CCDC154: variants seen among roughly 807,000 people sequenced by gnomAD.
CCDC154 encodes coiled-coil domain containing 154, also known as coiled-coil domain-containing protein 154.
A neutral mutation model predicts 87.5 loss-of-function variants in CCDC154; 91 were observed. That is an observed-to-expected ratio of 1.04 (90% CI 0.88 to 1.24). The LOEUF (loss-of-function observed/expected upper bound fraction) is 1.24, where lower values mean the gene tolerates loss of function less well. Among genes scored for constraint, CCDC154 ranks in the 50% most tolerant of loss-of-function variants. The probability of loss-of-function intolerance (pLI) is 0.00; values close to 1 mark genes in which losing one functional copy is unlikely to be tolerated. For missense variants in CCDC154, 903 were observed against 879.2 expected, an observed-to-expected ratio of 1.03 and a Z score of -0.34; for synonymous variants, 418 against 400.4, an observed-to-expected ratio of 1.04 and a Z score of -0.52.
At position 1,434,410 on chromosome 16, in the gene CCDC154, A is replaced by AT. The variant is rs2038478831; in HGVS notation, c.2001dup (p.Ter668IlefsTer?). 2 of 1,550,160 alleles carry AT rather than the reference A, an allele frequency of 1.3e-6. No individual in the cohort carries two copies. The highest frequency in any genetic ancestry group is 2.7e-5 in the African/African-American group (2 of 73,040). ...TAATGAGTACAAAGCCAGCACGTTT[A>AT]TTTCTGGATAAACAGTGAGGGTGTG... is the stretch of plus-strand genomic sequence containing the variant. On this transcript the variant is annotated frameshift_variant, in exon 17 of 17. Transcript: ENST00000389176. LOFTEE classifies it high-confidence loss of function.
intron 6 of CCDC154, among the ~76,000 whole-genome samples, chr16:1,439,988 A>C (rs1567258445): frequency 6.6e-6 from 1 of 151,920 alleles, no homozygotes; most frequent in Non-Finnish European, 1.5e-5. Flanking sequence ...GTCTCTACTA[A>C]AACTACAGAA....
In CCDC154 at chr16:1,440,407, G is replaced by A. The variant is rs193042820; in HGVS notation, c.676-1281C>T. On this transcript the variant is annotated intron_variant, in intron 6 of 16. Coordinates refer to ENST00000389176, the MANE Select transcript of CCDC154 (RefSeq NM_001143980.3). Reference sequence around the variant, plus strand: ...GGGGCTTGTAGTAAGCTGAGATCACGCCACTGCACTCCAGCCTGGGCAACA... The same window carrying A: ...GGGGCTTGTAGTAAGCTGAGATCACACCACTGCACTCCAGCCTGGGCAACA... Among the ~76,000 whole-genome samples the A allele has an allele frequency of 3.9e-3, 586 of 149,978 alleles. 1 individual carries two copies. The highest frequency in any genetic ancestry group is 0.014 in the Middle Eastern group (4 of 282).
Position 1,436,203 on chromosome 16 carries a change from GCCCTGTCACC to G in CCDC154, c.1488-127_1488-118del, listed in dbSNP as rs2038500356. On this transcript the variant is annotated intron_variant, in intron 13 of 16. Transcript: ENST00000389176. ...GGTTAAGGAGGCTCGAGGGGGCTCA[GCCCTGTCACC>G]CCTCCAGTGGGGAAGGTGGGGGTCC... 9.0e-5 allele frequency: 84 copies of G among 933,418 alleles called. No homozygotes were observed. The South Asian group carries it at 1.3e-3, about 15-fold the overall frequency. 57.8% of individuals were successfully genotyped at this position (933,418 alleles called of 1,614,324 possible). A position where few individuals can be genotyped will look rare whatever the true frequency, so the allele number is the denominator to read the frequency against.
chr16:1,442,492 G>A lies in CCDC154; in HGVS notation c.589C>T (p.Gln197Ter). Residue 197 changes from glutamine to a stop codon, truncating the protein, a stop_gained, in exon 6 of 17, where the codon CAG (glutamine) becomes TAG (stop). Transcript: ENST00000389176. LOFTEE classifies it high-confidence loss of function. ...KLTDLLQQEE[Q>*]GREVACGALQ... Reference sequence around the variant, plus strand: ...GCGCCGCAGGCCACCTCCCGGCCCTGCTCCTCCTGCTGCAGCAAGTCGGTC... The same window carrying A: ...GCGCCGCAGGCCACCTCCCGGCCCTACTCCTCCTGCTGCAGCAAGTCGGTC... 1 of 1,549,144 alleles carries A rather than the reference G, an allele frequency of 6.5e-7. No individual in the cohort carries two copies. The highest frequency in any genetic ancestry group is 1.2e-5 in the South Asian group (1 of 83,896).
intron 1 of CCDC154, 97 bp downstream of exon 1, chr16:1,444,219 G>C (rs1400934457): frequency 8.2e-7 from 1 of 1,226,768 alleles, no homozygotes; most frequent in East Asian, 5.7e-5. Flanking sequence ...GCAGGAACAA[G>C]CGAGCTGGAG....
rs1216229954 is a variant in CCDC154 at position 1,442,900 on chromosome 16, G to A, written c.531C>T (p.Ala177=). Reference sequence around the variant, plus strand: ...CCCACCTGAGGCCGGCCTCTTGCTCGGCGCCCCTTCTCTCCGCCTCCTGTT... The same window carrying A: ...CCCACCTGAGGCCGGCCTCTTGCTCAGCGCCCCTTCTCTCCGCCTCCTGTT... The part of the protein sequence containing the change: ...QVQQEAERRG[A]EQEAGLRLAK... The change falls in exon 5 of 17, where the codon GCC becomes GCT. Residue 177 remains alanine (A), a synonymous_variant. Transcript: ENST00000389176. 11 of 1,549,388 alleles carry A rather than the reference G, an allele frequency of 7.1e-6. No individual in the cohort carries two copies. Among genetic ancestry groups the A allele is most frequent in the South Asian group, 1.2e-5 (1 of 84,058 alleles).
chr16:1,443,475 A>G (rs1192649740), intron 3 of CCDC154, 31 bp downstream of exon 3: 3 of 1,440,584 alleles, frequency 2.1e-6, no homozygotes, highest in Non-Finnish European at 2.7e-6. Flanking sequence ...GGAAAGGGGC[A>G]GCTCGACCTG....
intron 11 of CCDC154, chr16:1,437,586 C>T (rs1458250025): frequency 1.4e-5 from 7 of 513,648 alleles, no homozygotes; most frequent in Admixed American, 3.6e-5. Context: ...GGCTCCAGCT[C>T]GGGCCTCACG....
At chr16:1,441,902 T>C (rs2142356040) in intron 6 of CCDC154, among the ~76,000 whole-genome samples, 1 of 144,186 alleles carries the variant, frequency 6.9e-6, no homozygotes, top group Non-Finnish European at 1.6e-5. Flanking sequence ...CCACTGCACG[T>C]GGCCTGAGCT....
chr16:1,434,739 C>T lies in CCDC154; in HGVS notation c.1806G>A (p.Arg602=). 1 of 1,546,232 alleles carries T rather than the reference C, an allele frequency of 6.5e-7. No homozygotes were observed. Among genetic ancestry groups the T allele is most frequent in the Admixed American group, 2.0e-5 (1 of 50,990 alleles). ...WKALPSLVRP[R]VFIKDMAPGK... ...CAGGCGCCATGTCCTTGATGAAGAC[C>T]CGCGGCCTCACCAGGGATGGGAGCG... The change falls in exon 16 of 17, where the codon CGG becomes CGA. Residue 602 remains arginine (R), a synonymous_variant. Coordinates refer to ENST00000389176, the MANE Select transcript of CCDC154 (RefSeq NM_001143980.3).
At chr16:1,440,442 T>G (rs1275942043) in intron 6 of CCDC154, among the ~76,000 whole-genome samples, 2 of 130,820 alleles carry the variant, frequency 1.5e-5, no homozygotes, top group Non-Finnish European at 3.3e-5. Context: ...AGAGCGAGAC[T>G]CCATCTCAGA....
intron 9 of CCDC154, 59 bp from the exon 10 acceptor site, chr16:1,438,235 G>C: frequency 9.0e-6 from 13 of 1,448,510 alleles, no homozygotes; most frequent in Non-Finnish European, 1.2e-5. Context: ...TCAGCCCTGG[G>C]CCAGGGAGGG....
Position 1,437,338 on chromosome 16 carries a change from A to C in CCDC154, c.1290+479T>G, listed in dbSNP as rs569018922. The C allele has an allele frequency of 2.6e-3, 471 of 178,108 alleles. 2 individuals are homozygous for C. The highest frequency in any genetic ancestry group is 3.5e-3 in the Non-Finnish European group (299 of 85,494). 11.0% of individuals were successfully genotyped at this position (178,108 alleles called of 1,614,324 possible). On this transcript the variant is annotated intron_variant, in intron 11 of 16. Coordinates refer to ENST00000389176, the MANE Select transcript of CCDC154 (RefSeq NM_001143980.3). ...CAGCCCCCGAGACAGGGAGGGGCCC[A>C]GCGGTCGCCAGGGGAAGTGGGGATG...
At chr16:1,439,697 C>A (rs1488645001) in intron 6 of CCDC154, among the ~76,000 whole-genome samples, 1 of 152,186 alleles carries the variant, frequency 6.6e-6, no homozygotes, top group Non-Finnish European at 1.5e-5. Flanking sequence ...CTCCTGCCCC[C>A]CAGGAGGTCA....
chr16:1,438,983 G>A (rs1182610472), intron 7 of CCDC154, 40 bp from the exon 8 acceptor site: 33 of 1,549,514 alleles, frequency 2.1e-5, no homozygotes, highest in South Asian at 1.2e-5. Flanking sequence ...GTCTGCGTCT[G>A]GGAAGGGGGG....
At chr16:1,434,584 T>TG in intron 16 of CCDC154, 50 bp from the exon 17 acceptor site, 2 of 821,508 alleles carry the variant, frequency 2.4e-6, no homozygotes, top group Non-Finnish European at 3.7e-6. Context: ...CCACCCCCCA[T>TG]GGCCCACCTG....
intron 11 of CCDC154, chr16:1,437,550 G>C: frequency 2.2e-6 from 1 of 447,540 alleles, no homozygotes; most frequent in South Asian, 4.4e-5. Flanking sequence ...GCCGTGAGCT[G>C]CCCGCATGGC....
intron 1 of CCDC154, 34 bp downstream of exon 1, chr16:1,444,282 C>T (rs79854713): frequency 1.4e-5 from 18 of 1,300,944 alleles, no homozygotes; most frequent in Non-Finnish European, 1.7e-5. Context: ...TGTGGCAAGC[C>T]CCTCCCTGGG....
At position 1,443,892 on chromosome 16, in the gene CCDC154, T is replaced by C. The variant is rs2038583998; in HGVS notation, c.128A>G (p.Glu43Gly). ...GGACTCATACCTCTCCGAGAGCTCC[T>C]CCAGGCTCAAGGGCTCGGGGCTGGC... Reference protein sequence around the residue: ...GLASPEPLSLEELSERYESSH... With the variant: ...GLASPEPLSLGELSERYESSH... Residue 43 changes from glutamate (E) to glycine (G), a missense_variant, in exon 2 of 17, where the codon GAG becomes GGG. Coordinates refer to ENST00000389176, the MANE Select transcript of CCDC154 (RefSeq NM_001143980.3). 2 of 1,304,030 alleles carry C rather than the reference T, an allele frequency of 1.5e-6. No homozygotes were observed. Among genetic ancestry groups the C allele is most frequent in the Non-Finnish European group, 2.0e-6 (2 of 988,948 alleles). 80.8% of individuals were successfully genotyped at this position (1,304,030 alleles called of 1,614,324 possible).
Sources: gnomAD v4.1 joint callset for allele counts (sites outside exome capture counted in the v4.1 genomes callset) on GRCh38, gnomAD v4.1.1 for gene constraint, MANE v1.5 for transcripts, NCBI Gene and HGNC (gene_info 2026-07-23, HGNC 2026-07-21) for gene names.